Variants in RALGPS1 observed in about 807,000 individuals in gnomAD.
RALGPS1 encodes the protein Ral GEF with PH domain and SH3 binding motif 1, also known as ras-specific guanine nucleotide-releasing factor RalGPS1.
Under a neutral mutation model 78.8 loss-of-function variants are expected in RALGPS1, and 19 were observed. The observed-to-expected ratio is 0.24, with a 90% CI of 0.17 to 0.35. RALGPS1 has a LOEUF of 0.35. Ranked by LOEUF, RALGPS1 falls within the 10% of genes least tolerant of loss-of-function variation. The pLI is 1.00. For missense variants in RALGPS1, 454 were observed against 688.3 expected, an observed-to-expected ratio of 0.66 and a Z score of 3.81; for synonymous variants, 228 against 256.3, an observed-to-expected ratio of 0.89 and a Z score of 1.06.
chr9:126,985,043 T>C (rs1351592005), intron 4 of RALGPS1, among the ~76,000 whole-genome samples: 1 of 152,242 alleles, frequency 6.6e-6, no homozygotes, highest in Non-Finnish European at 1.5e-5. Context: ...TTGTCATACC[T>C]TCACTGTGGG....
intron 8 of RALGPS1, among the ~76,000 whole-genome samples, chr9:127,151,967 T>G (rs932860433): frequency 6.6e-6 from 1 of 152,204 alleles, no homozygotes; most frequent in Non-Finnish European, 1.5e-5. Context: ...GCCCACCACA[T>G]CCATGATGCA....
At chr9:127,060,834 C>A (rs1302141227) in intron 7 of RALGPS1, among the ~76,000 whole-genome samples, 2 of 152,254 alleles carry the variant, frequency 1.3e-5, no homozygotes, top group African/African-American at 4.8e-5. Context: ...TCCTTCAGAG[C>A]AGCATTGTGC....
intron 4 of RALGPS1, among the ~76,000 whole-genome samples, chr9:126,989,301 G>A (rs746277200): frequency 4.6e-5 from 7 of 152,172 alleles, no homozygotes; most frequent in Non-Finnish European, 1.0e-4. Context: ...AGGCATGGGG[G>A]CACCCAGAAG....
chr9:127,178,186 T>C lies in RALGPS1; in HGVS notation c.910+3404T>C, dbSNP rs1338162891. ...GGAAGCAGGAGCGAGCAGAGAAAAA[T>C]CCCTGGCCTCCCTTTCCTCCAGCCC... On this transcript the variant is annotated intron_variant, in intron 11 of 18. Coordinates refer to ENST00000259351, the MANE Select transcript of RALGPS1 (RefSeq NM_014636.3). 3.2e-5 allele frequency: 15 copies of C among 463,934 alleles called. No homozygotes were observed. The East Asian group carries it at 7.2e-4, about 22-fold the overall frequency. The allele number at this position is 463,934 out of a possible 1,614,324, so 28.7% of individuals were successfully genotyped here.
Position 127,048,813 on chromosome 9 carries a change from T to G in RALGPS1, c.301-1230T>G, listed in dbSNP as rs139033011. Among the ~76,000 whole-genome samples the G allele has an allele frequency of 4.9e-4, 74 of 152,350 alleles. 1 individual carries two copies. The East Asian group carries it at 8.3e-3, about 17-fold the overall frequency. ...GGCTAGTAAATATTTGAGTCTGAGC[T>G]TAATTGTGGGCAATTCCTTGGAAAA... On this transcript the variant is annotated intron_variant, in intron 5 of 18. Transcript: ENST00000259351.
At chr9:126,976,282 A>G (rs973355210) in intron 3 of RALGPS1, among the ~76,000 whole-genome samples, 13 of 151,376 alleles carry the variant, frequency 8.6e-5, no homozygotes, top group Non-Finnish European at 1.6e-4. Flanking sequence ...ATTTTGACAC[A>G]CACACACCCC....
intron 8 of RALGPS1, chr9:127,108,588 G>T: frequency 6.2e-7 from 1 of 1,613,430 alleles, no homozygotes; most frequent in Non-Finnish European, 8.5e-7. Context: ...CCTGGGACTC[G>T]CCCGCCCGCT....
intron 8 of RALGPS1, among the ~76,000 whole-genome samples, chr9:127,081,965 G>C (rs1231404351): frequency 6.6e-6 from 1 of 152,230 alleles, no homozygotes; most frequent in Non-Finnish European, 1.5e-5. Context: ...CCATTCAGGA[G>C]AGACACGGAT....
chr9:126,965,717 A>G, intron 2 of RALGPS1, 127 bp from the exon 3 acceptor site: 8 of 678,352 alleles, frequency 1.2e-5, no homozygotes, highest in Middle Eastern at 5.7e-4. Context: ...TAAAGCTCTA[A>G]TCAATAGAAG....
At chr9:127,037,713 C>T (rs1045012495) in intron 5 of RALGPS1, among the ~76,000 whole-genome samples, 6 of 152,206 alleles carry the variant, frequency 3.9e-5, no homozygotes, top group African/African-American at 9.7e-5. Flanking sequence ...TATCATATTC[C>T]GAGGGCAACC....
intron 5 of RALGPS1, among the ~76,000 whole-genome samples, chr9:127,045,077 T>A (rs2047636052): frequency 1.3e-5 from 2 of 152,228 alleles, no homozygotes; most frequent in South Asian, 4.1e-4. Flanking sequence ...AAGCCTGGGT[T>A]TTTATTTATT....
intron 1 of RALGPS1, among the ~76,000 whole-genome samples, chr9:126,916,347 G>C (rs1033658147): frequency 4.6e-5 from 7 of 152,196 alleles, no homozygotes; most frequent in Non-Finnish European, 7.4e-5. Context: ...GGGAGCAGTG[G>C]CAAGTGGAAG....
intron 11 of RALGPS1, among the ~76,000 whole-genome samples, chr9:127,192,955 G>A (rs933839443): frequency 6.6e-5 from 10 of 152,164 alleles, no homozygotes; most frequent in Admixed American, 6.5e-4. Flanking sequence ...TCATTGATTT[G>A]GCAAGAAGGA....
chr9:126,949,916 A>G (rs1271156286), intron 1 of RALGPS1, among the ~76,000 whole-genome samples: 1 of 152,186 alleles, frequency 6.6e-6, no homozygotes, highest in Non-Finnish European at 1.5e-5. Context: ...GGTAATGCCT[A>G]GGTTTTCTTC....
intron 1 of RALGPS1, among the ~76,000 whole-genome samples, chr9:126,943,488 A>G (rs1165658927): frequency 6.6e-6 from 1 of 152,066 alleles, no homozygotes; most frequent in Non-Finnish European, 1.5e-5. Flanking sequence ...TGGAGAGTGG[A>G]AGGCAAATGG....
chr9:126,926,738 T>C (rs185939973), intron 1 of RALGPS1, among the ~76,000 whole-genome samples: 8 of 151,964 alleles, frequency 5.3e-5, no homozygotes, highest in African/African-American at 1.9e-4. Flanking sequence ...GATTGGGAGC[T>C]GAGTGAGGGT....
chr9:127,127,840 G>C (rs1280225520), intron 8 of RALGPS1, among the ~76,000 whole-genome samples: 1 of 150,330 alleles, frequency 6.7e-6, no homozygotes, highest in Non-Finnish European at 1.5e-5. Flanking sequence ...AAAGCTAGGA[G>C]GAACACGATT....
At chr9:126,985,572 T>C (rs1452399731) in intron 4 of RALGPS1, among the ~76,000 whole-genome samples, 4 of 152,202 alleles carry the variant, frequency 2.6e-5, no homozygotes, top group African/African-American at 9.7e-5. Flanking sequence ...CTTTATATTA[T>C]CCCGTCATAT....
chr9:127,108,852 A>G, intron 8 of RALGPS1: 1 of 1,118,424 alleles, frequency 8.9e-7, no homozygotes, highest in Non-Finnish European at 1.2e-6. Context: ...CAGTGATCCC[A>G]GCCTTCTCGC....
Sources: gnomAD v4.1 joint callset for allele counts (sites outside exome capture counted in the v4.1 genomes callset) on GRCh38, gnomAD v4.1.1 for gene constraint, MANE v1.5 for transcripts, NCBI Gene and HGNC (gene_info 2026-07-23, HGNC 2026-07-21) for gene names.